The following ITPR1 variants were observed in gnomAD, a reference collection of about 807,000 sequenced individuals.
The protein encoded by ITPR1 is inositol 1,4,5-trisphosphate receptor type 1.
A neutral mutation model predicts 318.4 loss-of-function variants in ITPR1; 96 were observed. The observed-to-expected ratio is 0.30, with a 90% CI of 0.26 to 0.36. The LOEUF (loss-of-function observed/expected upper bound fraction) is 0.36. Among genes scored for constraint, ITPR1 ranks in the 10% least tolerant of loss-of-function variants. The pLI, the probability that ITPR1 is intolerant of heterozygous loss-of-function variation, is 1.00. For missense variants in ITPR1, 2,440 were observed against 3,460.2 expected (o/e 0.71, Z 7.40); for synonymous variants, 1,312 against 1,289.9 (o/e 1.02, Z -0.37).
Position 4,493,475 on chromosome 3 carries a change from G to C in ITPR1, c.-223G>C, listed in dbSNP as rs1370680302. On this transcript the variant is annotated 5_prime_UTR_variant, in exon 1 of 62. Transcript: ENST00000649015. ...GAGAGAGAGAAAGCGCACGCCGAGAGGAGGTGTGGGTGTTCCGCTTCCATC... is the reference window on the plus strand; with the variant it reads ...GAGAGAGAGAAAGCGCACGCCGAGACGAGGTGTGGGTGTTCCGCTTCCATC... 6.5e-6 allele frequency: 1 copy of C among 154,044 alleles called. No homozygotes were observed. Among genetic ancestry groups the C allele is most frequent in the African/African-American group, 2.4e-5 (1 of 41,440 alleles). 9.5% of individuals were successfully genotyped at this position (154,044 alleles called of 1,614,324 possible). A position where few individuals can be genotyped will look rare whatever the true frequency, so the allele number is the denominator to read the frequency against.
chr3:4,688,443 G>A (rs2094431957), intron 30 of ITPR1, 52 bp from the exon 31 acceptor site: 1 of 1,606,810 alleles, frequency 6.2e-7, no homozygotes, highest in African/African-American at 1.3e-5. Context: ...TATAGGAGAA[G>A]CTGGTCTCCT....
At chr3:4,836,658 A>T in intron 60 of ITPR1, 116 bp from the exon 61 acceptor site, 1 of 1,023,438 alleles carries the variant, frequency 9.8e-7, no homozygotes, top group East Asian at 3.0e-5. Context: ...CCATAGAAGG[A>T]GATAACCTAA....
chr3:4,588,018 C>T (rs1483038942), intron 4 of ITPR1, among the ~76,000 whole-genome samples: 1 of 152,106 alleles, frequency 6.6e-6, no homozygotes, highest in African/African-American at 2.4e-5. Flanking sequence ...ATTGATTTTC[C>T]CCCCTCTTGG....
intron 3 of ITPR1, among the ~76,000 whole-genome samples, chr3:4,520,411 T>A (rs1348428424): frequency 6.6e-6 from 1 of 152,200 alleles, no homozygotes; most frequent in East Asian, 1.9e-4. Context: ...CATATCTTCA[T>A]GAGTTTGTGC....
chr3:4,669,452 G>C (rs1278943011), intron 18 of ITPR1, among the ~76,000 whole-genome samples: 4 of 152,080 alleles, frequency 2.6e-5, no homozygotes, highest in Non-Finnish European at 4.4e-5. Context: ...AGCCACTCCT[G>C]TCTTTCCTTC....
intron 4 of ITPR1, among the ~76,000 whole-genome samples, chr3:4,543,474 A>G (rs539455348): frequency 2.8e-4 from 43 of 152,222 alleles, no homozygotes; most frequent in Non-Finnish European, 5.7e-4. Flanking sequence ...AAAACAAAAC[A>G]GGTAATAAAT....
rs751233742 is a variant in ITPR1, at chr3:4,768,558, C to G, written c.5773C>G (p.Leu1925Val). 1 of 1,613,998 alleles carries G rather than the reference C, an allele frequency of 6.2e-7. No homozygotes were observed. The highest frequency in any genetic ancestry group is 2.2e-5 in the East Asian group (1 of 44,882). ...AACAGAAGAGGTCCGGGATCAGCTC[C>G]TGGAGGCCTCCGCTGCCACCAGGAA... The part of the protein sequence containing the change: ...QITEEVRDQL[L>V]EASAATRKAF... The change falls in exon 46 of 62, where the codon CTG (leucine) becomes GTG (valine). Residue 1925 changes from leucine to valine, a missense_variant. Leu to Val is a conservative substitution (Grantham distance 32). Coordinates refer to ENST00000649015, the MANE Select transcript of ITPR1 (RefSeq NM_001378452.1).
In ITPR1 at chr3:4,684,340, C is replaced by T. The variant is rs567126497; in HGVS notation, c.3558C>T (p.Val1186=). 6.2e-7 allele frequency: 1 copy of T among 1,610,612 alleles called. No individual in the cohort carries two copies. Among genetic ancestry groups the T allele is most frequent in the South Asian group, 1.1e-5 (1 of 90,660 alleles). Residue 1186 remains valine, a synonymous_variant, in exon 29 of 62, where the codon GTC becomes GTT. Transcript: ENST00000649015. ...ESTSSYNYRV[V]KEILIRLSKL... ...CCAGCAGCTACAACTACAGAGTGGT[C>T]AAAGAGGTAAGCTCCTCCCCCACCA...
chr3:4,773,690 G>T (rs2046322512), intron 46 of ITPR1, among the ~76,000 whole-genome samples: 1 of 152,304 alleles, frequency 6.6e-6, no homozygotes, highest in Non-Finnish European at 1.5e-5. Context: ...ACAGAGCAGG[G>T]CTGAGCCAAC....
At chr3:4,765,481 G>A (rs562245202) in intron 44 of ITPR1, among the ~76,000 whole-genome samples, 7 of 152,304 alleles carry the variant, frequency 4.6e-5, no homozygotes, top group African/African-American at 1.4e-4. Context: ...AGGCATTGGG[G>A]TGTGTGTATG....
rs1177734281 is a variant in ITPR1 at position 4,650,606 on chromosome 3, A to AGTGT, written c.856-1481_856-1478dup. 2.0e-3 allele frequency among the ~76,000 whole-genome samples: 272 copies of AGTGT among 137,384 alleles called. 2 individuals carry two copies. The highest frequency in any genetic ancestry group is 7.2e-3 in the African/African-American group (233 of 32,224). The allele number at this position is 137,384 out of a possible 152,430, so 90.1% of individuals were successfully genotyped here. Reference sequence around the variant, plus strand: ...CATTAATCTGATTATGATATGCCTTAGTGTGTGTGTGTGTGTGTGTGTGTG... The same window carrying AGTGT: ...CATTAATCTGATTATGATATGCCTTAGTGTGTGTGTGTGTGTGTGTGTGTGTGTG... On this transcript the variant is annotated intron_variant, in intron 10 of 61. Transcript: ENST00000649015.
chr3:4,645,480 A>T lies in ITPR1; in HGVS notation c.708+10A>T. 6.2e-7 allele frequency: 1 copy of T among 1,610,290 alleles called. No individual in the cohort carries two copies. Among genetic ancestry groups the T allele is most frequent in the East Asian group, 2.2e-5 (1 of 44,832 alleles). On this transcript the variant is annotated intron_variant, in intron 9 of 61. Coordinates refer to ENST00000649015, the MANE Select transcript of ITPR1 (RefSeq NM_001378452.1). ...CGACATATTAAAGGGGGTGAGTTTGATGCTTTATGGGCTGAGCATTACTTG... is the reference window on the plus strand; with the variant it reads ...CGACATATTAAAGGGGGTGAGTTTGTTGCTTTATGGGCTGAGCATTACTTG...
At chr3:4,845,517 C>G (rs1191328135) in intron 61 of ITPR1, among the ~76,000 whole-genome samples, 1 of 152,210 alleles carries the variant, frequency 6.6e-6, no homozygotes, top group Non-Finnish European at 1.5e-5. Flanking sequence ...CTCGCCTGAC[C>G]TTCAGCGAGC....
rs1258228738 is a variant in ITPR1, at chr3:4,555,832, A to G, written c.163+34738A>G. Among the ~76,000 whole-genome samples, 5 of 152,220 alleles carry G rather than the reference A, an allele frequency of 3.3e-5. No homozygotes were observed. In the East Asian group the frequency reaches 9.6e-4, roughly 29 times the overall value. Reference sequence around the variant, plus strand: ...ATGCTGTACAAGTATTAACCAATTTAATCCTTGTTACTGCATAAGGAGGCT... The same window carrying G: ...ATGCTGTACAAGTATTAACCAATTTGATCCTTGTTACTGCATAAGGAGGCT... On this transcript the variant is annotated intron_variant, in intron 4 of 61. Coordinates refer to ENST00000649015, the MANE Select transcript of ITPR1 (RefSeq NM_001378452.1).
At chr3:4,715,582 G>T (rs1054751251) in intron 39 of ITPR1, among the ~76,000 whole-genome samples, 24 of 152,212 alleles carry the variant, frequency 1.6e-4, no homozygotes, top group African/African-American at 5.8e-4. Context: ...GCCGGATATG[G>T]TGGCTCATGC....
chr3:4,697,442 G>T (rs2094577870), intron 34 of ITPR1, among the ~76,000 whole-genome samples, 170 bp downstream of exon 34: 6 of 110,252 alleles, frequency 5.4e-5, no homozygotes, highest in Admixed American at 1.9e-4. Flanking sequence ...TTCTTCTCAT[G>T]TATCCTTTCT....
intron 37 of ITPR1, among the ~76,000 whole-genome samples, chr3:4,707,721 G>A (rs1370782374): frequency 6.6e-6 from 1 of 152,166 alleles, no homozygotes; most frequent in Non-Finnish European, 1.5e-5. Flanking sequence ...AACACATAGA[G>A]CAGTGCCTGG....
intron 10 of ITPR1, among the ~76,000 whole-genome samples, chr3:4,648,366 G>A (rs1207056309): frequency 3.3e-5 from 5 of 152,012 alleles, no homozygotes; most frequent in East Asian, 3.8e-4. Flanking sequence ...CTTGAGAGAC[G>A]TCAGAATGAA....
chr3:4,725,037 G>A (rs1011945413), intron 40 of ITPR1, among the ~76,000 whole-genome samples: 1 of 152,144 alleles, frequency 6.6e-6, no homozygotes, highest in Non-Finnish European at 1.5e-5. Context: ...CTTCTCTGCT[G>A]TAGGACAGGA....
Sources: gnomAD v4.1 joint callset for allele counts (sites outside exome capture counted in the v4.1 genomes callset) on GRCh38, gnomAD v4.1.1 for gene constraint, MANE v1.5 for transcripts, NCBI Gene and HGNC (gene_info 2026-07-23, HGNC 2026-07-21) for gene names.